MSI2: variants seen among roughly 807,000 people sequenced by gnomAD.
MSI2 encodes musashi RNA binding protein 2.
A neutral mutation model predicts 45.6 loss-of-function variants in MSI2; 17 were observed. The observed-to-expected ratio is 0.37, with a 90% confidence interval of 0.26 to 0.56. The LOEUF (loss-of-function observed/expected upper bound fraction) is 0.56, where lower values mean the gene tolerates loss of function less well. Ranked by LOEUF, MSI2 falls within the 20% of genes least tolerant of loss-of-function variation. The pLI is 0.77. For missense variants in MSI2, 293 were observed against 444.2 expected (o/e 0.66, Z 3.06); for synonymous variants, 156 against 158.2 (o/e 0.99, Z 0.11).
At chr17:57,432,542 G>A (rs915793100) in intron 6 of MSI2, 2 of 152,414 alleles carry the variant, frequency 1.3e-5, no homozygotes, top group African/African-American at 4.8e-5. Flanking sequence ...CTTCCTTAGA[G>A]ATGTTTATGC....
downstream of MSI2, among the ~76,000 whole-genome samples, chr17:57,687,509 C>T (rs1449208323): frequency 1.3e-5 from 2 of 151,812 alleles, no homozygotes; most frequent in East Asian, 3.8e-4. Context: ...TCAGGGGAAT[C>T]AGAAAATTTC....
chr17:57,590,342 G>A lies in MSI2; in HGVS notation c.455-6526G>A, dbSNP rs78427838. Among the ~76,000 whole-genome samples the A allele has an allele frequency of 8.6e-3, 1,310 of 152,250 alleles. 15 individuals are homozygous for A. Among genetic ancestry groups the A allele is most frequent in the African/African-American group, 0.03 (1,263 of 41,542 alleles). On this transcript the variant is annotated intron_variant, in intron 7 of 13. Transcript: ENST00000284073. Reference sequence around the variant, plus strand: ...AAAATTCTCTTGTAAGTTAACTGTCGATGTTCCTCAGTGACTGCGTTTGGA... The same window carrying A: ...AAAATTCTCTTGTAAGTTAACTGTCAATGTTCCTCAGTGACTGCGTTTGGA...
chr17:57,531,382 G>C (rs185055960), intron 7 of MSI2, among the ~76,000 whole-genome samples: 2 of 152,172 alleles, frequency 1.3e-5, no homozygotes, highest in African/African-American at 4.8e-5. Flanking sequence ...TATTATTAGC[G>C]TTATCATCAC....
chr17:57,481,425 A>C (rs1370977344), intron 6 of MSI2, among the ~76,000 whole-genome samples: 3 of 152,230 alleles, frequency 2.0e-5, no homozygotes, highest in Non-Finnish European at 4.4e-5. Context: ...TGCCACTAAA[A>C]TGGTATCACT....
intron 6 of MSI2, among the ~76,000 whole-genome samples, chr17:57,415,845 G>A (rs1008393151): frequency 8.5e-5 from 13 of 152,160 alleles, no homozygotes; most frequent in Middle Eastern, 3.4e-3. Context: ...TGACAAATCC[G>A]GAACCATGGA....
chr17:57,273,791 G>A (rs1458495759), intron 5 of MSI2, among the ~76,000 whole-genome samples: 2 of 152,196 alleles, frequency 1.3e-5, no homozygotes, highest in African/African-American at 4.8e-5. Flanking sequence ...ACAGTCACCT[G>A]GGTCTTTCCC....
intron 8 of MSI2, among the ~76,000 whole-genome samples, chr17:57,614,430 T>C (rs1276097424): frequency 6.6e-6 from 1 of 152,240 alleles, no homozygotes; most frequent in African/African-American, 2.4e-5. Context: ...CTGTGAACAA[T>C]AGCAATTTTC....
At chr17:57,282,851 G>A (rs575392852) in intron 5 of MSI2, among the ~76,000 whole-genome samples, 1 of 9,076 alleles carries the variant, frequency 1.1e-4, no homozygotes, top group African/African-American at 3.2e-4. Flanking sequence ...TTTTTTTTCA[G>A]GGAACTCTGT....
At chr17:57,487,083 G>A (rs138926813) in intron 6 of MSI2, among the ~76,000 whole-genome samples, 93 of 152,338 alleles carry the variant, frequency 6.1e-4, no homozygotes, top group Non-Finnish European at 1.0e-3. Context: ...GCAGAGGCAG[G>A]CAATATGGCC....
At chr17:57,445,903 C>T (rs777641321) in intron 6 of MSI2, among the ~76,000 whole-genome samples, 18 of 152,248 alleles carry the variant, frequency 1.2e-4, no homozygotes, top group South Asian at 4.1e-4. Flanking sequence ...TGTTCTGTGA[C>T]GGAATGAGTT....
At chr17:57,345,423 T>G (rs1915520362) in intron 5 of MSI2, among the ~76,000 whole-genome samples, 1 of 152,250 alleles carries the variant, frequency 6.6e-6, no homozygotes, top group Admixed American at 6.5e-5. Flanking sequence ...CTGATTTGTC[T>G]TGTGTTTCTT....
At chr17:57,318,907 C>T (rs940624646) in intron 5 of MSI2, among the ~76,000 whole-genome samples, 1 of 152,206 alleles carries the variant, frequency 6.6e-6, no homozygotes, top group African/African-American at 2.4e-5. Flanking sequence ...GGGAGAGAAG[C>T]AGGGAAGCAG....
chr17:57,427,664 T>C (rs2084519810), intron 6 of MSI2, among the ~76,000 whole-genome samples: 1 of 152,212 alleles, frequency 6.6e-6, no homozygotes, highest in South Asian at 2.1e-4. Flanking sequence ...TAATTATTAA[T>C]ACATTGAATT....
chr17:57,574,816 TTC>T (rs1215258793), intron 7 of MSI2, among the ~76,000 whole-genome samples: 1 of 150,782 alleles, frequency 6.6e-6, no homozygotes, highest in African/African-American at 2.4e-5. Context: ...AAATTCTGCA[TTC>T]TCTCTCTCTC....
intron 8 of MSI2, among the ~76,000 whole-genome samples, chr17:57,607,420 C>T (rs1432359454): frequency 6.6e-6 from 1 of 152,248 alleles, no homozygotes; most frequent in Non-Finnish European, 1.5e-5. Context: ...ACAGTAACCC[C>T]TTCCTCTGTA....
chr17:57,303,971 G>A (rs1193619876), intron 5 of MSI2, among the ~76,000 whole-genome samples: 1 of 152,174 alleles, frequency 6.6e-6, no homozygotes, highest in African/African-American at 2.4e-5. Context: ...AATTACTAGA[G>A]GGAGGAGGGA....
chr17:57,534,040 T>C (rs1266318352), intron 7 of MSI2, among the ~76,000 whole-genome samples: 1 of 152,232 alleles, frequency 6.6e-6, no homozygotes, highest in Non-Finnish European at 1.5e-5. Flanking sequence ...CAGCCAACAC[T>C]TTCTGAGCAC....
intron 7 of MSI2, among the ~76,000 whole-genome samples, chr17:57,568,004 C>A (rs1306080926): frequency 2.6e-5 from 4 of 152,160 alleles, no homozygotes; most frequent in Non-Finnish European, 5.9e-5. Context: ...TTGATGACAT[C>A]CCATAAGTGG....
chr17:57,601,981 T>C (rs193241755), intron 8 of MSI2: 1 of 152,362 alleles, frequency 6.6e-6, no homozygotes, highest in Admixed American at 6.5e-5. Flanking sequence ...GTTCTTCTCA[T>C]TATACCTTGC....
Sources: gnomAD v4.1 joint callset for allele counts (sites outside exome capture counted in the v4.1 genomes callset) on GRCh38, gnomAD v4.1.1 for gene constraint, MANE v1.5 for transcripts, NCBI Gene and HGNC (gene_info 2026-07-23, HGNC 2026-07-21) for gene names.